Variants in C9orf85 observed in about 807,000 individuals in gnomAD.
The protein encoded by C9orf85 is uncharacterized protein C9orf85.
In C9orf85, 16 loss-of-function variants were observed where a neutral mutation model predicts 14.9. That is an observed-to-expected ratio of 1.08 (90% CI 0.73 to 1.63). C9orf85 has a LOEUF of 1.63. C9orf85 is among the 40% of genes most tolerant of loss of function. The pLI is 0.00. For synonymous variants in C9orf85, 45 were observed against 56.8 expected, an observed-to-expected ratio of 0.79 and a Z score of 0.93; for missense variants, 172 against 186.1, an observed-to-expected ratio of 0.92 and a Z score of 0.44.
At position 71,929,084 on chromosome 9, in the gene C9orf85, A is replaced by G. The variant is rs376745413; in HGVS notation, c.102+17248A>G. On this transcript the variant is annotated intron_variant, in intron 1 of 3. Coordinates refer to ENST00000334731, the MANE Select transcript of C9orf85 (RefSeq NM_182505.5). ...TTAATATGACCAGAGCGAGGCACCT[A>G]TCTTTGAGGAAGTTAGTTTTAAGAT... Among the ~76,000 whole-genome samples, 143 of 152,306 alleles carry G rather than the reference A, an allele frequency of 9.4e-4. 1 individual carries two copies. The highest frequency in any genetic ancestry group is 2.7e-3 in the African/African-American group (112 of 41,562).
chr9:71,977,795 A>G (rs1823031854), downstream of C9orf85, among the ~76,000 whole-genome samples: 1 of 152,190 alleles, frequency 6.6e-6, no homozygotes, highest in African/African-American at 2.4e-5. Context: ...ACTGAATGTT[A>G]CAGGACCACT....
intron 1 of C9orf85, among the ~76,000 whole-genome samples, chr9:71,943,894 C>T (rs944492597): frequency 2.0e-5 from 3 of 149,910 alleles, no homozygotes; most frequent in Non-Finnish European, 4.5e-5. Context: ...TATTGTTTGA[C>T]AACAAATAGA....
At chr9:71,941,588 A>G (rs1016604748) in intron 1 of C9orf85, among the ~76,000 whole-genome samples, 3 of 152,222 alleles carry the variant, frequency 2.0e-5, no homozygotes, top group Admixed American at 6.5e-5. Context: ...TATTCTCTAA[A>G]ATGACTTGCT....
At chr9:71,981,475 A>G (rs1823094619) in intron 3 of C9orf85, among the ~76,000 whole-genome samples, 3 of 152,238 alleles carry the variant, frequency 2.0e-5, no homozygotes, top group South Asian at 4.1e-4. Flanking sequence ...TCACTGCTGC[A>G]TTAAGGAGTT....
intron 2 of C9orf85, among the ~76,000 whole-genome samples, chr9:71,959,192 C>A (rs1822450615): frequency 6.6e-6 from 1 of 151,170 alleles, no homozygotes; most frequent in African/African-American, 2.4e-5. Flanking sequence ...GGCTGGAGTA[C>A]AATGGCACGA....
At chr9:71,973,606 G>C (rs1163112675), downstream of C9orf85, 5 of 152,050 alleles carry the variant, frequency 3.3e-5, no homozygotes, top group African/African-American at 1.2e-4. Context: ...TACAGAAAAA[G>C]TGCATATAAT....
Position 71,982,003 on chromosome 9 carries a change from A to G in C9orf85, c.324-654A>G, listed in dbSNP as rs374749812. On this transcript the variant is annotated intron_variant, in intron 3 of 3. Transcript: ENST00000377031. ...GCATTTATCACCACAATCCAGTTTT[A>G]GAACATTTCCATCATCCCAAAATGA... is the stretch of plus-strand genomic sequence containing the variant. 1.1e-4 allele frequency among the ~76,000 whole-genome samples: 16 copies of G among 152,340 alleles called. 1 individual carries two copies. The highest frequency in any genetic ancestry group is 5.2e-4 in the Admixed American group (8 of 15,298).
intron 1 of C9orf85, chr9:71,918,521 A>G: frequency 9.5e-7 from 1 of 1,053,552 alleles, no homozygotes; most frequent in Non-Finnish European, 1.3e-6. Flanking sequence ...ATGGCCTGTC[A>G]GGAACTGGGC....
intron 1 of C9orf85, among the ~76,000 whole-genome samples, chr9:71,942,784 T>C (rs1821970676): frequency 6.6e-6 from 1 of 151,834 alleles, no homozygotes; most frequent in South Asian, 2.1e-4. Context: ...GTGCCTGTAA[T>C]CCTAGCTACT....
chr9:71,935,632 CA>C (rs34000576), intron 1 of C9orf85, among the ~76,000 whole-genome samples: 301 of 126,128 alleles, frequency 2.4e-3, no homozygotes, highest in East Asian at 2.8e-3. Context: ...CCCCCCGACC[CA>C]AAAAAAAAAA....
chr9:71,946,787 C>G (rs1358091921), intron 1 of C9orf85, among the ~76,000 whole-genome samples: 1 of 144,458 alleles, frequency 6.9e-6, no homozygotes, highest in East Asian at 2.0e-4. Context: ...GAGTGAGACT[C>G]TGTCTCAAAA....
intron 3 of C9orf85, among the ~76,000 whole-genome samples, chr9:71,981,414 CT>C (rs1438496618): frequency 5.9e-5 from 9 of 151,812 alleles, no homozygotes; most frequent in African/African-American, 2.2e-4. Flanking sequence ...GCAGAGATGA[CT>C]AAAAACATCA....
chr9:71,964,369 T>A (rs545771803), intron 2 of C9orf85, among the ~76,000 whole-genome samples: 2 of 152,056 alleles, frequency 1.3e-5, no homozygotes, highest in East Asian at 3.9e-4. Flanking sequence ...GAAGCTTGGT[T>A]CTTTGCAATA....
At chr9:71,964,323 C>T (rs907661818) in intron 2 of C9orf85, among the ~76,000 whole-genome samples, 4 of 152,198 alleles carry the variant, frequency 2.6e-5, no homozygotes, top group Admixed American at 2.6e-4. Context: ...CCCCAGCCAG[C>T]AGTGGCAACC....
rs566582210 is a variant in C9orf85 at position 71,967,632 on chromosome 9, CATTGG to C, written c.210-3872_210-3868del. 6.7e-4 allele frequency among the ~76,000 whole-genome samples: 101 copies of C among 150,736 alleles called. 1 individual carries two copies. In the East Asian group the frequency reaches 0.018, roughly 27 times the overall value. On this transcript the variant is annotated intron_variant, in intron 2 of 3. Coordinates refer to ENST00000334731, the MANE Select transcript of C9orf85 (RefSeq NM_182505.5). ...TCCAGTTCATTTTAAAAAATAGATT[CATTGG>C]TGTTTTCTATATAGACAGTGATTTT...
At chr9:71,957,812 T>C (rs1296580177) in intron 2 of C9orf85, among the ~76,000 whole-genome samples, 1 of 152,154 alleles carries the variant, frequency 6.6e-6, no homozygotes, top group African/African-American at 2.4e-5. Context: ...TTTCCCACCA[T>C]GAGCCATGAT....
At chr9:71,919,893 A>G (rs1827750199) in intron 1 of C9orf85, among the ~76,000 whole-genome samples, 1 of 148,668 alleles carries the variant, frequency 6.7e-6, no homozygotes, top group Non-Finnish European at 1.5e-5. Context: ...CTCTGTCACC[A>G]GGCTGGAGTG....
chr9:71,961,062 G>A (rs895894250), intron 2 of C9orf85, among the ~76,000 whole-genome samples: 4 of 151,552 alleles, frequency 2.6e-5, no homozygotes, highest in South Asian at 2.1e-4. Context: ...ACAGGCATGC[G>A]CCACCACACC....
At chr9:71,940,936 T>C (rs1234367484) in intron 1 of C9orf85, among the ~76,000 whole-genome samples, 1 of 152,178 alleles carries the variant, frequency 6.6e-6, no homozygotes, top group African/African-American at 2.4e-5. Flanking sequence ...CACAACATGC[T>C]GGAAAAGGCA....
Sources: allele counts gnomAD v4.1 joint callset (sites outside exome capture counted in the v4.1 genomes callset), GRCh38; gene constraint gnomAD v4.1.1; transcripts MANE v1.5; gene names NCBI Gene and HGNC (gene_info 2026-07-23, HGNC 2026-07-21).